Variants in RIN3 observed in about 807,000 individuals in gnomAD.
RIN3 encodes the protein RAB5 interacting protein 3.
A neutral mutation model predicts 76.3 loss-of-function variants in RIN3; 54 were observed. The ratio of observed to expected loss-of-function variants is 0.71; its 90% CI spans 0.57 to 0.89. RIN3 has a LOEUF of 0.89. Among genes scored for constraint, RIN3 ranks in the 40% least tolerant of loss-of-function variants. RIN3 has a pLI of 0.00. For missense variants in RIN3, 1,256 were observed against 1,322.1 expected, an observed-to-expected ratio of 0.95 and a Z score of 0.78; for synonymous variants, 576 against 564.0, an observed-to-expected ratio of 1.02 and a Z score of -0.30.
chr14:92,657,669 C>G (rs905456960), intron 6 of RIN3, among the ~76,000 whole-genome samples: 1 of 152,046 alleles, frequency 6.6e-6, no homozygotes, highest in Non-Finnish European at 1.5e-5. Context: ...TCCCTGCTCC[C>G]AGGTCAACCC....
rs891380305 is a variant in RIN3 at position 92,567,343 on chromosome 14, G to A, written c.250-10017G>A. ...ATTTTATATTTGCTCACAATTCTAT[G>A]GCTCAGCAATTTGGGCTGGGTTCAG... On this transcript the variant is annotated intron_variant, in intron 2 of 9. Transcript: ENST00000216487. 4.6e-5 allele frequency among the ~76,000 whole-genome samples: 7 copies of A among 152,196 alleles called. No individual in the cohort carries two copies. The East Asian group carries it at 9.6e-4, about 21-fold the overall frequency.
intron 3 of RIN3, among the ~76,000 whole-genome samples, chr14:92,588,900 T>C (rs377100203): frequency 7.2e-5 from 11 of 152,300 alleles, no homozygotes; most frequent in African/African-American, 1.9e-4. Flanking sequence ...AGCTCTCGTA[T>C]TGGTGTTATC....
In RIN3 at chr14:92,646,366, A is replaced by G. The variant is rs147684869; in HGVS notation, c.532+5037A>G. ...CCACCCTCTGCACCATGCCCTCCAC[A>G]TGCCCGCCATGTGCTGCTTTTTCTT... On this transcript the variant is annotated intron_variant, in intron 5 of 9. Transcript: ENST00000216487. Among the ~76,000 whole-genome samples the G allele has an allele frequency of 1.5e-3, 231 of 152,326 alleles. 3 individuals are homozygous for G. In the East Asian group the frequency reaches 0.042, roughly 27 times the overall value.
At chr14:92,638,987 C>T (rs1043592164) in intron 4 of RIN3, among the ~76,000 whole-genome samples, 6 of 152,230 alleles carry the variant, frequency 3.9e-5, no homozygotes, top group African/African-American at 1.2e-4. Flanking sequence ...AAGCCAACAT[C>T]GCTGAGCAGA....
chr14:92,572,260 A>G (rs916551274), intron 2 of RIN3, among the ~76,000 whole-genome samples: 1 of 152,182 alleles, frequency 6.6e-6, no homozygotes, highest in Admixed American at 6.5e-5. Context: ...CCGCATGCGC[A>G]GTGTGTTTAC....
At chr14:92,687,899 G>A (rs766744519) in intron 9 of RIN3, 27 bp from the exon 10 acceptor site, 54 of 1,515,602 alleles carry the variant, frequency 3.6e-5, no homozygotes, top group Middle Eastern at 4.5e-4. Flanking sequence ...GCCCCGCCGT[G>A]ACCACAGGCC....
rs369294096 is a variant in RIN3, at chr14:92,652,486, G to A, written c.1437G>A (p.Glu479=). Residue 479 remains glutamate, a synonymous_variant, in exon 6 of 10, where the codon GAG becomes GAA. Transcript: ENST00000216487. The surrounding 1 kb of genome is among the most constrained non-coding windows in gnomAD (Gnocchi z 6.4). The stretch of plus-strand genomic sequence containing the variant: ...CCTCGACCCTCCCAGCTCCCTTAGA[G>A]AACGCTGAGCTCTGCACACAGGCGA... ...QLASTLPAPL[E]NAELCTQAMA... is the part of the protein sequence containing the mutation. 2.2e-5 allele frequency: 36 copies of A among 1,613,892 alleles called. No individual in the cohort carries two copies. The highest frequency in any genetic ancestry group is 2.9e-5 in the Non-Finnish European group (34 of 1,180,020).
chr14:92,561,042 A>T (rs1382774106), intron 2 of RIN3, among the ~76,000 whole-genome samples: 1,167 of 18,842 alleles, frequency 0.062, 111 homozygotes, highest in South Asian at 0.1. Flanking sequence ...AAAAAAAAAA[A>T]AAATATATAT....
chr14:92,525,574 T>C (rs1396177815), intron 1 of RIN3, among the ~76,000 whole-genome samples: 2 of 151,898 alleles, frequency 1.3e-5, no homozygotes, highest in African/African-American at 4.8e-5. Context: ...TGGGGCCCAC[T>C]AGGAGGCCTG....
At chr14:92,626,755 A>C (rs1595465579) in intron 4 of RIN3, among the ~76,000 whole-genome samples, 1 of 152,026 alleles carries the variant, frequency 6.6e-6, no homozygotes, top group Admixed American at 6.5e-5. Flanking sequence ...GTTGGGGGGA[A>C]TTAAATGGGG....
At chr14:92,593,705 A>T (rs1885063353) in intron 3 of RIN3, among the ~76,000 whole-genome samples, 4 of 152,210 alleles carry the variant, frequency 2.6e-5, no homozygotes, top group Middle Eastern at 6.8e-3. Context: ...ATAATAATAA[A>T]AAGCTGAGGT....
intron 3 of RIN3, among the ~76,000 whole-genome samples, chr14:92,611,140 G>A (rs1885715492): frequency 6.6e-6 from 1 of 152,198 alleles, no homozygotes; most frequent in Non-Finnish European, 1.5e-5. Flanking sequence ...GACTGCGGAA[G>A]CATCTGTTCC....
At chr14:92,657,991 G>A (rs955284033) in intron 6 of RIN3, among the ~76,000 whole-genome samples, 1 of 152,074 alleles carries the variant, frequency 6.6e-6, no homozygotes, top group Non-Finnish European at 1.5e-5. Context: ...TACTCAGCCC[G>A]TAACCAAGAC....
intron 3 of RIN3, among the ~76,000 whole-genome samples, chr14:92,598,033 T>A (rs1379552212): frequency 6.6e-6 from 1 of 152,182 alleles, no homozygotes; most frequent in Non-Finnish European, 1.5e-5. Flanking sequence ...GCCTCTCTCC[T>A]TGGATCTGGG....
intron 1 of RIN3, among the ~76,000 whole-genome samples, chr14:92,520,440 C>G (rs185372080): frequency 3.3e-5 from 5 of 152,202 alleles, no homozygotes; most frequent in Non-Finnish European, 5.9e-5. Context: ...AGAGGATACT[C>G]CCCTGTGAAG....
chr14:92,687,978 C>T lies in RIN3; in HGVS notation c.2684C>T (p.Ala895Val). The change falls in exon 10 of 10, where the codon GCG becomes GTG. Residue 895 changes from alanine to valine, a missense_variant. Physicochemically the swap from Ala to Val is moderately conservative, Grantham distance 64 (BLOSUM62 0). This residue lies in a region of RIN3 where 218 missense variants were observed against 174.5 expected (regional missense o/e 1.25). Coordinates refer to ENST00000216487, the MANE Select transcript of RIN3 (RefSeq NM_024832.5). ...CCCGAGCAGCAGGCGCGGACGCTGGCGTCGCGGGCGGACACCCAGGCCCAG... is the reference window on the plus strand; with the variant it reads ...CCCGAGCAGCAGGCGCGGACGCTGGTGTCGCGGGCGGACACCCAGGCCCAG... ...LEPEQQARTL[A>V]SRADTQAQAL... is the part of the protein sequence containing the mutation. The T allele has an allele frequency of 1.3e-6, 2 of 1,560,128 alleles. No homozygotes were observed. Among genetic ancestry groups the T allele is most frequent in the Non-Finnish European group, 1.7e-6 (2 of 1,153,472 alleles).
Position 92,688,036 on chromosome 14 carries a change from G to A in RIN3, c.2742G>A (p.Ala914=), listed in dbSNP as rs1320242302. Residue 914 remains alanine, a synonymous_variant, in exon 10 of 10, where the codon GCG becomes GCA. Coordinates refer to ENST00000216487, the MANE Select transcript of RIN3 (RefSeq NM_024832.5). ...GCGCGCAGTGCGCGGAGAAGTTCGC[G>A]GTGGAGCGGCCGCAGGCGCACCGGC... is the stretch of plus-strand genomic sequence containing the variant. The part of the protein sequence containing the change: ...ALCAQCAEKF[A]VERPQAHRLF... 2.5e-6 allele frequency: 4 copies of A among 1,596,082 alleles called. No homozygotes were observed. The African/African-American group carries it at 4.0e-5, about 16-fold the overall frequency.
chr14:92,587,878 A>G (rs1884833706), intron 3 of RIN3, among the ~76,000 whole-genome samples: 1 of 152,076 alleles, frequency 6.6e-6, no homozygotes, highest in Non-Finnish European at 1.5e-5. Context: ...AAGAATGGAA[A>G]TTTATTTCTC....
chr14:92,522,154 GC>G (rs1896618428), intron 1 of RIN3, among the ~76,000 whole-genome samples: 1 of 152,048 alleles, frequency 6.6e-6, no homozygotes, highest in Non-Finnish European at 1.5e-5. Flanking sequence ...GTTCTTCCGG[GC>G]AAGACACTGA....
Sources: gnomAD v4.1 joint callset for allele counts (sites outside exome capture counted in the v4.1 genomes callset) on GRCh38, gnomAD v4.1.1 for gene constraint, gnomAD v4.1.1 regional missense constraint, Gnocchi (gnomAD v3.1) non-coding constraint, MANE v1.5 for transcripts, NCBI Gene and HGNC (gene_info 2026-07-23, HGNC 2026-07-21) for gene names.